RB1CC1: variants seen among roughly 807,000 people sequenced by gnomAD.
RB1CC1 encodes the protein RB1-inducible coiled-coil protein 1.
A neutral mutation model predicts 177.5 loss-of-function variants in RB1CC1; 46 were observed. That is an observed-to-expected ratio of 0.26 (90% CI 0.20 to 0.33). The LOEUF (loss-of-function observed/expected upper bound fraction) is 0.33, where lower values mean the gene tolerates loss of function less well. RB1CC1 is among the 10% of genes least tolerant of loss of function. The pLI is 1.00. For synonymous variants in RB1CC1, 666 were observed against 613.6 expected (o/e 1.09, Z -1.26); for missense variants, 1,703 against 1,816.3 (o/e 0.94, Z 1.13).
rs142146940 is a variant in RB1CC1, at chr8:52,661,219, C to T, written c.1421G>A (p.Arg474His). 1.1e-4 allele frequency: 181 copies of T among 1,613,708 alleles called. No homozygotes were observed. Among genetic ancestry groups the T allele is most frequent in the Non-Finnish European group, 1.4e-4 (167 of 1,179,862 alleles). ...TCTTTCTAACAGCTCTATTACGAGG[C>T]GGAGCAAAGCTTGTAACTTCTCTCC... ...QDGEKLQALL[R>H]LVIELLERVK... Residue 474 changes from arginine (R) to histidine (H), a missense_variant, in exon 10 of 24, where the codon CGC becomes CAC. By Grantham distance (29) the Arg-to-His change is conservative (BLOSUM62 0). Around this residue, in one of 6 missense-constraint regions of RB1CC1, gnomAD observed 1,169 missense variants for 1,184.7 expected, o/e 0.99. Transcript: ENST00000025008.
intron 1 of RB1CC1, among the ~76,000 whole-genome samples, chr8:52,688,182 A>C (rs1374465324): frequency 1.3e-5 from 2 of 152,192 alleles, no homozygotes; most frequent in Non-Finnish European, 2.9e-5. Flanking sequence ...CTTGAAAAAG[A>C]GCAGAATTAA....
intron 8 of RB1CC1, among the ~76,000 whole-genome samples, chr8:52,664,631 G>A (rs1851914333): frequency 6.6e-6 from 1 of 152,108 alleles, no homozygotes; most frequent in Admixed American, 6.5e-5. Context: ...ATATCCATAG[G>A]AACAGCATAA....
rs1367043318 is a variant in RB1CC1, at chr8:52,674,220, G to A, written c.627C>T (p.Thr209=). 3.7e-6 allele frequency: 6 copies of A among 1,612,108 alleles called. No individual in the cohort carries two copies. The Admixed American group carries it at 1.0e-4, about 27-fold the overall frequency. The change falls in exon 7 of 24, where the codon ACC becomes ACT. Residue 209 remains threonine, a synonymous_variant. Coordinates refer to ENST00000025008, the MANE Select transcript of RB1CC1 (RefSeq NM_014781.5). ...CCAAACATTCTCTGTAACTATGTCT[G>A]GTTAGGCACTCCAACAGTGGAATCT... ...MAKIPLLECL[T]RHSYRECLGR... is the part of the protein sequence containing the mutation.
rs901918223 is a variant in RB1CC1, at chr8:52,646,977, G to A, written c.3822-1110C>T. Among the ~76,000 whole-genome samples, 7 of 152,140 alleles carry A rather than the reference G, an allele frequency of 4.6e-5. No homozygotes were observed. The East Asian group carries it at 1.3e-3, about 29-fold the overall frequency. On this transcript the variant is annotated intron_variant, in intron 15 of 23. Coordinates refer to ENST00000025008, the MANE Select transcript of RB1CC1 (RefSeq NM_014781.5). ...ACCAGGTCAATTTTTAGGCTTAAAT[G>A]TCCCTCTTTGTTTTTAAATGATATT... is the stretch of plus-strand genomic sequence containing the variant.
chr8:52,656,033 GTTTAACTTTTTCTAATAACTC>G lies in RB1CC1; in HGVS notation c.3775_3795del (p.Glu1259_Lys1265del), dbSNP rs763543882. Reference sequence around the variant, plus strand: ...CTTTTTGCTATTTGATTCTCAAGATGTTTAACTTTTTCTAATAACTCTTTCTCAACAACTTCTCTCTCCAAT... The same window carrying G: ...CTTTTTGCTATTTGATTCTCAAGATGTTTCTCAACAACTTCTCTCTCCAAT... On this transcript the variant is annotated inframe_deletion, in exon 15 of 24. Coordinates refer to ENST00000025008, the MANE Select transcript of RB1CC1 (RefSeq NM_014781.5). The G allele has an allele frequency of 8.7e-6, 14 of 1,609,592 alleles. No homozygotes were observed. Among genetic ancestry groups the G allele is most frequent in the Non-Finnish European group, 1.2e-5 (14 of 1,177,938 alleles).
chr8:52,683,296 A>C (rs1423716576), intron 5 of RB1CC1, among the ~76,000 whole-genome samples: 3 of 152,204 alleles, frequency 2.0e-5, no homozygotes, highest in Non-Finnish European at 2.9e-5. Context: ...AACTATTTAC[A>C]TATTATCTAG....
In RB1CC1 at chr8:52,676,565, A is replaced by C. The variant is rs377453847; in HGVS notation, c.376T>G (p.Tyr126Asp). Reference sequence around the variant, plus strand: ...GAACAAAGTTTCTTGGCAACTTCATACATTTCCTATATTGAAAAAGAATAC... The same window carrying C: ...GAACAAAGTTTCTTGGCAACTTCATCCATTTCCTATATTGAAAAAGAATAC... ...ASRTQLALEM[Y>D]EVAKKLCSFC... Residue 126 changes from tyrosine (Y) to aspartate (D), a missense_variant, in exon 6 of 24, where the codon TAT (tyrosine) becomes GAT (aspartate). Physicochemically the swap from Tyr to Asp is radical, Grantham distance 160. Around this residue, in one of 6 missense-constraint regions of RB1CC1, gnomAD observed 315 missense variants for 304.9 expected, o/e 1.03. Coordinates refer to ENST00000025008, the MANE Select transcript of RB1CC1 (RefSeq NM_014781.5). 2 of 1,600,694 alleles carry C rather than the reference A, an allele frequency of 1.2e-6. No homozygotes were observed.
At chr8:52,681,018 G>A in intron 5 of RB1CC1, among the ~76,000 whole-genome samples, 2 of 137,948 alleles carry the variant, frequency 1.4e-5, no homozygotes, top group South Asian at 4.8e-4. Context: ...TTGAGATGAA[G>A]TCTCACTCTG....
intron 14 of RB1CC1, 37 bp downstream of exon 14, chr8:52,657,961 A>G (rs1233816872): frequency 1.9e-6 from 3 of 1,612,912 alleles, no homozygotes; most frequent in African/African-American, 1.3e-5. Context: ...AACATTTTAC[A>G]CTAATGAAGA....
chr8:52,683,813 A>C (rs1316383640), intron 4 of RB1CC1, 74 bp downstream of exon 4: 1 of 1,580,548 alleles, frequency 6.3e-7, no homozygotes, highest in Non-Finnish European at 8.6e-7. Context: ...AATAAACCTT[A>C]CTTTTGAACA....
intron 11 of RB1CC1, 64 bp from the exon 12 acceptor site, chr8:52,660,721 G>C (rs1317174945): frequency 1.4e-6 from 2 of 1,423,898 alleles, no homozygotes; most frequent in Non-Finnish European, 9.6e-7. Flanking sequence ...AATTATCTCT[G>C]GTTTTTGAAA....
intron 8 of RB1CC1, among the ~76,000 whole-genome samples, chr8:52,664,590 T>C (rs981501213): frequency 6.6e-6 from 1 of 152,164 alleles, no homozygotes; most frequent in Non-Finnish European, 1.5e-5. Context: ...GGATGCTCTA[T>C]GAGCACAAGA....
chr8:52,660,849 G>C lies in RB1CC1; in HGVS notation c.1627+77C>G, dbSNP rs1851552529. 3.2e-6 allele frequency: 4 copies of C among 1,268,940 alleles called. No individual in the cohort carries two copies. The South Asian group carries it at 5.3e-5, about 17-fold the overall frequency. The allele number at this position is 1,268,940 out of a possible 1,614,324, so 78.6% of individuals were successfully genotyped here. A position where few individuals can be genotyped will look rare whatever the true frequency, so the allele number is the denominator to read the frequency against. ...TGGCAATTAACAGCATATACATGAAGTATGCTACAGAAAATCCAAGCTTAT... is the reference window on the plus strand; with the variant it reads ...TGGCAATTAACAGCATATACATGAACTATGCTACAGAAAATCCAAGCTTAT... On this transcript the variant is annotated intron_variant, in intron 11 of 23. Transcript: ENST00000025008.
chr8:52,696,477 T>C (rs1855423784), intron 1 of RB1CC1, among the ~76,000 whole-genome samples: 2 of 151,990 alleles, frequency 1.3e-5, no homozygotes, highest in Non-Finnish European at 2.9e-5. Context: ...CTAAAGAGAT[T>C]AGGTCAAAAA....
At position 52,676,543 on chromosome 8, in the gene RB1CC1, C is replaced by T. The variant is rs1353374264; in HGVS notation, c.398G>A (p.Cys133Tyr). ...LEMYEVAKKL[C>Y]SFCEGLVHDE... ...ATGTACAAGACCTTCACAAAAAGAA[C>T]AAAGTTTCTTGGCAACTTCATACAT... The change falls in exon 6 of 24, where the codon TGT (cysteine) becomes TAT (tyrosine). Residue 133 changes from cysteine to tyrosine, a missense_variant. Physicochemically the swap from Cys to Tyr is radical, Grantham distance 194 (BLOSUM62 -2). Coordinates refer to ENST00000025008, the MANE Select transcript of RB1CC1 (RefSeq NM_014781.5). 1.9e-6 allele frequency: 3 copies of T among 1,605,868 alleles called. No homozygotes were observed. Among genetic ancestry groups the T allele is most frequent in the Non-Finnish European group, 2.5e-6 (3 of 1,178,078 alleles).
At chr8:52,654,034 T>C (rs1273753561) in intron 15 of RB1CC1, among the ~76,000 whole-genome samples, 1 of 151,730 alleles carries the variant, frequency 6.6e-6, no homozygotes, top group Non-Finnish European at 1.5e-5. Context: ...GGGAGGGAGG[T>C]TTCTACCATG....
At chr8:52,691,833 A>G (rs752910839) in intron 1 of RB1CC1, among the ~76,000 whole-genome samples, 38 of 152,230 alleles carry the variant, frequency 2.5e-4, no homozygotes, top group Non-Finnish European at 4.6e-4. Context: ...ACCTGTGAGG[A>G]AATGTGACGC....
chr8:52,668,983 C>T (rs1486281441), intron 7 of RB1CC1, among the ~76,000 whole-genome samples: 1 of 152,164 alleles, frequency 6.6e-6, no homozygotes, highest in Non-Finnish European at 1.5e-5. Flanking sequence ...AGGATTTTGT[C>T]CTTAGCCCAT....
At chr8:52,652,860 C>A (rs1036309176) in intron 15 of RB1CC1, among the ~76,000 whole-genome samples, 1 of 151,632 alleles carries the variant, frequency 6.6e-6, no homozygotes, top group African/African-American at 2.4e-5. Context: ...GAGTTCGAGA[C>A]CAGCCTGACC....
Sources: allele counts gnomAD v4.1 joint callset (sites outside exome capture counted in the v4.1 genomes callset), GRCh38; gene constraint gnomAD v4.1.1; regional missense constraint gnomAD v4.1.1; transcripts MANE v1.5; gene names NCBI Gene and HGNC (gene_info 2026-07-23, HGNC 2026-07-21).